RALGAPA1: variants seen among roughly 807,000 people sequenced by gnomAD.
The protein encoded by RALGAPA1 is ral GTPase-activating protein subunit alpha-1.
In RALGAPA1, 52 loss-of-function variants were observed where a neutral mutation model predicts 269.6. The ratio of observed to expected loss-of-function variants is 0.19; its 90% confidence interval spans 0.15 to 0.24. The LOEUF is 0.24. RALGAPA1 is among the 10% of genes least tolerant of loss of function. RALGAPA1 has a pLI of 1.00. For missense variants in RALGAPA1, 1,917 were observed against 3,013.9 expected (o/e 0.64, Z 8.52); for synonymous variants, 817 against 1,008.3 (o/e 0.81, Z 3.60).
At chr14:35,798,023 C>A (rs1262669402) in intron 1 of RALGAPA1, among the ~76,000 whole-genome samples, 1 of 151,452 alleles carries the variant, frequency 6.6e-6, no homozygotes, top group Admixed American at 6.6e-5. Flanking sequence ...CAGGCGGCTG[C>A]CACCACATCT....
Position 35,756,925 on chromosome 14 carries a change from G to T in RALGAPA1, c.548-17C>A, listed in dbSNP as rs570763495. The T allele has an allele frequency of 8.3e-5, 132 of 1,583,530 alleles. No individual in the cohort carries two copies. Among genetic ancestry groups the T allele is most frequent in the Non-Finnish European group, 1.1e-4 (127 of 1,164,440 alleles). On this transcript the variant is annotated splice_polypyrimidine_tract_variant and intron_variant, in intron 6 of 41. Transcript: ENST00000680220. The stretch of plus-strand genomic sequence containing the variant: ...TGACTTGAGCTATCCAAAGACAAAA[G>T]AATAGTATATAGTTACAAAACAAAT...
intron 36 of RALGAPA1, among the ~76,000 whole-genome samples, chr14:35,598,212 A>G (rs2139057160): frequency 6.6e-6 from 1 of 152,160 alleles, no homozygotes; most frequent in East Asian, 1.9e-4. Flanking sequence ...GTGCACATGT[A>G]TTTAGCATTG....
chr14:35,715,771 C>T (rs772404293), intron 16 of RALGAPA1: 102 of 985,232 alleles, frequency 1.0e-4, no homozygotes, highest in Non-Finnish European at 1.2e-4. Flanking sequence ...ATTCAGTCAT[C>T]CAACCTTGAA....
At chr14:35,662,315 T>C (rs1009234305) in intron 27 of RALGAPA1, among the ~76,000 whole-genome samples, 3 of 152,302 alleles carry the variant, frequency 2.0e-5, no homozygotes, top group African/African-American at 7.2e-5. Context: ...AAATAGTTTT[T>C]CCAAAGCATA....
chr14:35,645,346 GGTGTGTGTGTGTGTGT>G (rs58039867), intron 31 of RALGAPA1, among the ~76,000 whole-genome samples: 50 of 129,560 alleles, frequency 3.9e-4, no homozygotes, highest in Admixed American at 2.7e-3. Context: ...TATAGAGATG[GGTGTGTGTGTGTGTGT>G]GTGTGTGTGT....
At chr14:35,744,545 C>T (rs1030629205) in intron 10 of RALGAPA1, among the ~76,000 whole-genome samples, 1 of 151,968 alleles carries the variant, frequency 6.6e-6, no homozygotes, top group East Asian at 1.9e-4. Flanking sequence ...CTTATCTTAT[C>T]GGAATGAAAT....
intron 16 of RALGAPA1, among the ~76,000 whole-genome samples, chr14:35,712,188 A>G (rs2068409509): frequency 6.6e-6 from 1 of 151,494 alleles, no homozygotes; most frequent in South Asian, 2.1e-4. Context: ...CGAAGGTTGC[A>G]ATGAGGCCAG....
intron 1 of RALGAPA1, among the ~76,000 whole-genome samples, chr14:35,776,044 T>A (rs2074999204): frequency 6.6e-6 from 1 of 152,226 alleles, no homozygotes; most frequent in Admixed American, 6.5e-5. Context: ...CAGCTACAGC[T>A]TTCCTAACTT....
At chr14:35,654,280 A>G (rs1192162803) in intron 30 of RALGAPA1, 87 bp downstream of exon 30, 15 of 1,346,394 alleles carry the variant, frequency 1.1e-5, no homozygotes, top group South Asian at 1.8e-5. Flanking sequence ...AAAAAATTTT[A>G]AAACTATTAA....
In RALGAPA1 at chr14:35,808,977, G is replaced by T; in HGVS notation, c.-142C>A. On this transcript the variant is annotated 5_prime_UTR_variant, in exon 1 of 42. Transcript: ENST00000680220. The stretch of plus-strand genomic sequence containing the variant: ...CAGCCTTGCGGGCCAGGGCAGAGCC[G>T]ACTCCTTCCCGATCCAGGCCAGGGC... 2 of 1,428,732 alleles carry T rather than the reference G, an allele frequency of 1.4e-6. No individual in the cohort carries two copies. Among genetic ancestry groups the T allele is most frequent in the South Asian group, 1.5e-5 (1 of 68,444 alleles). 88.5% of individuals were successfully genotyped at this position (1,428,732 alleles called of 1,614,324 possible).
At chr14:35,695,993 A>T (rs2066866375) in intron 17 of RALGAPA1, among the ~76,000 whole-genome samples, 1 of 152,342 alleles carries the variant, frequency 6.6e-6, no homozygotes, top group East Asian at 1.9e-4. Context: ...ATATTGTATC[A>T]AATTTGATAC....
chr14:35,623,109 A>C (rs2060748318), intron 35 of RALGAPA1, among the ~76,000 whole-genome samples: 1 of 151,804 alleles, frequency 6.6e-6, no homozygotes, highest in African/African-American at 2.4e-5. Flanking sequence ...AAATCTAGAG[A>C]GAAATAAGGA....
chr14:35,757,121 T>TA (rs112603338), intron 6 of RALGAPA1, among the ~76,000 whole-genome samples: 15,087 of 136,632 alleles, frequency 0.11, 1,267 homozygotes, highest in East Asian at 0.36. Context: ...TTATTATTAT[T>TA]TTTTTTTTTT....
At chr14:35,690,769 T>A (rs1466143950) in intron 17 of RALGAPA1, among the ~76,000 whole-genome samples, 2 of 152,106 alleles carry the variant, frequency 1.3e-5, no homozygotes, top group African/African-American at 2.4e-5. Context: ...GCTTCTTACA[T>A]CTCTTTTTAA....
At chr14:35,705,446 A>G (rs2067720695) in intron 16 of RALGAPA1, among the ~76,000 whole-genome samples, 1 of 151,958 alleles carries the variant, frequency 6.6e-6, no homozygotes, top group Non-Finnish European at 1.5e-5. Context: ...TAGCCTTTTC[A>G]GATTAGCTTC....
At chr14:35,720,985 G>GT (rs1234412002) in intron 16 of RALGAPA1, among the ~76,000 whole-genome samples, 1 of 152,202 alleles carries the variant, frequency 6.6e-6, no homozygotes, top group African/African-American at 2.4e-5. Context: ...ATCAAAGAGA[G>GT]TAAGAAAAGA....
chr14:35,749,060 A>G (rs991549418), intron 9 of RALGAPA1, among the ~76,000 whole-genome samples: 3 of 152,308 alleles, frequency 2.0e-5, no homozygotes, highest in Admixed American at 6.5e-5. Context: ...GTAATTAATC[A>G]TCTACCCACC....
intron 21 of RALGAPA1, among the ~76,000 whole-genome samples, chr14:35,679,894 A>G (rs2065264802): frequency 6.6e-6 from 1 of 152,162 alleles, no homozygotes; most frequent in Admixed American, 6.5e-5. Context: ...GACCCTATCT[A>G]GGCTCAATTA....
chr14:35,666,956 C>T (rs956983129), intron 26 of RALGAPA1, among the ~76,000 whole-genome samples: 1 of 152,082 alleles, frequency 6.6e-6, no homozygotes, highest in African/African-American at 2.4e-5. Context: ...TGCTAGTATC[C>T]AAGAGATTTA....
Sources: allele counts gnomAD v4.1 joint callset (sites outside exome capture counted in the v4.1 genomes callset), GRCh38; gene constraint gnomAD v4.1.1; transcripts MANE v1.5; gene names NCBI Gene and HGNC (gene_info 2026-07-23, HGNC 2026-07-21).